EIF2S2: variants seen among roughly 807,000 people sequenced by gnomAD.
EIF2S2 encodes the protein eukaryotic translation initiation factor 2 subunit beta.
Under a neutral mutation model 44.0 loss-of-function variants are expected in EIF2S2, and 4 were observed. The ratio of observed to expected loss-of-function variants is 0.09; its 90% CI spans 0.04 to 0.21. The LOEUF (loss-of-function observed/expected upper bound fraction) is 0.21, where lower values mean the gene tolerates loss of function less well. Ranked by LOEUF, EIF2S2 falls within the 10% of genes least tolerant of loss-of-function variation. The pLI is 1.00. For synonymous variants in EIF2S2, 108 were observed against 128.3 expected (o/e 0.84, Z 1.07); for missense variants, 154 against 392.0 (o/e 0.39, Z 5.13).
rs142763429 is a variant in EIF2S2 at position 34,089,826 on chromosome 20, G to A, written c.906C>T (p.Cys302=). 21 of 1,613,780 alleles carry A rather than the reference G, an allele frequency of 1.3e-5. No homozygotes were observed. The highest frequency in any genetic ancestry group is 6.7e-5 in the African/African-American group (5 of 74,904). The change falls in exon 9 of 9, where the codon TGC becomes TGT. Residue 302 remains cysteine (C), a synonymous_variant. Transcript: ENST00000374980. The part of the protein sequence containing the change: ...QKDTRLYFLQ[C]ETCHSRCSVA... ...CAGAACATCTAGAATGACAAGTTTC[G>A]CACTGTAGGAAATAGAGTCGTGTGT...
chr20:34,098,562 A>G lies in EIF2S2; in HGVS notation c.369T>C (p.Asn123=). 6.2e-7 allele frequency: 1 copy of G among 1,613,876 alleles called. No homozygotes were observed. The highest frequency in any genetic ancestry group is 2.2e-5 in the East Asian group (1 of 44,876). ...TAACATTCTTCTTTTTCTTCTTTTT[A>G]TTGCCAAGCATAATGTCAAGGTCAT... ...PEDDLDIMLG[N]KKKKKKNVKF... Residue 123 remains asparagine, a synonymous_variant, in exon 4 of 9, where the codon AAT becomes AAC. Coordinates refer to ENST00000374980, the MANE Select transcript of EIF2S2 (RefSeq NM_003908.5).
At chr20:34,101,963 G>A (rs568148637) in intron 3 of EIF2S2, among the ~76,000 whole-genome samples, 7 of 152,060 alleles carry the variant, frequency 4.6e-5, no homozygotes, top group Non-Finnish European at 8.8e-5. Flanking sequence ...GCATGAGACA[G>A]CACGTCCAGT....
At chr20:34,103,975 CTGGGA>C (rs1212468220) in intron 2 of EIF2S2, among the ~76,000 whole-genome samples, 1 of 152,146 alleles carries the variant, frequency 6.6e-6, no homozygotes, top group Non-Finnish European at 1.5e-5. Context: ...TCCCAAAGTG[CTGGGA>C]TTACAGGCGT....
chr20:34,096,576 G>A (rs976661505), intron 6 of EIF2S2, 81 bp downstream of exon 6: 10 of 1,386,848 alleles, frequency 7.2e-6, no homozygotes, highest in Admixed American at 4.6e-5. Context: ...TAATAAAGTC[G>A]ACAATAAGGA....
intron 2 of EIF2S2, 57 bp from the exon 3 acceptor site, chr20:34,103,622 G>A: frequency 1.4e-6 from 2 of 1,453,292 alleles, no homozygotes; most frequent in Non-Finnish European, 1.8e-6. Flanking sequence ...CAAATTATGA[G>A]TTACACAAAC....
At chr20:34,103,695 A>C in intron 2 of EIF2S2, 130 bp from the exon 3 acceptor site, 142 of 1,219,690 alleles carry the variant, frequency 1.2e-4, no homozygotes, top group Non-Finnish European at 1.4e-4. Context: ...CTCCACAATC[A>C]CAAAACTTAT....
chr20:34,088,993 G>A lies in EIF2S2; in HGVS notation c.*737C>T, dbSNP rs2034128566. Reference sequence around the variant, plus strand: ...CTCACCAAGAGAGATGCTCAACTAGGATCTTTTTTAGTGTGCCAGTTACAA... The same window carrying A: ...CTCACCAAGAGAGATGCTCAACTAGAATCTTTTTTAGTGTGCCAGTTACAA... On this transcript the variant is annotated 3_prime_UTR_variant, in exon 9 of 9. Transcript: ENST00000374980. 1 of 152,484 alleles carries A rather than the reference G, an allele frequency of 6.6e-6. No homozygotes were observed. The highest frequency in any genetic ancestry group is 1.5e-5 in the Non-Finnish European group (1 of 68,020). The allele number at this position is 152,484 out of a possible 1,614,324, so 9.4% of individuals were successfully genotyped here. A position where few individuals can be genotyped will look rare whatever the true frequency, so the allele number is the denominator to read the frequency against.
At chr20:34,094,051 T>C (rs185628292) in intron 6 of EIF2S2, among the ~76,000 whole-genome samples, 227 of 152,008 alleles carry the variant, frequency 1.5e-3, no homozygotes, top group Non-Finnish European at 2.8e-3. Context: ...CCACCATGCC[T>C]GTCTAATTCT....
chr20:34,104,534 T>C (rs1327284656), intron 2 of EIF2S2, among the ~76,000 whole-genome samples: 1 of 152,212 alleles, frequency 6.6e-6, no homozygotes, highest in African/African-American at 2.4e-5. Context: ...CAACATTTTA[T>C]TGAATCAACT....
chr20:34,108,914 C>A (rs1218484871), intron 1 of EIF2S2, among the ~76,000 whole-genome samples: 2 of 151,664 alleles, frequency 1.3e-5, no homozygotes, highest in Non-Finnish European at 2.9e-5. Flanking sequence ...GTGTTGCCAT[C>A]TCTGTGTGAT....
chr20:34,098,244 C>T (rs1434058010), intron 4 of EIF2S2, among the ~76,000 whole-genome samples: 4 of 146,308 alleles, frequency 2.7e-5, no homozygotes, highest in Non-Finnish European at 6.0e-5. Context: ...GAGACTCCGT[C>T]TCAAAAAAAA....
rs200499150 is a variant in EIF2S2 at position 34,105,453 on chromosome 20, G to A, written c.108C>T (p.Thr36=). The part of the protein sequence containing the change: ...DEEGDTQTEE[T]QPSETKEVEP... ...CCACTTCTTTTGTTTCTGAAGGCTG[G>A]GTTTCCTCTGTTTGGGTATCCCCTT... The change falls in exon 2 of 9, where the codon ACC becomes ACT. Residue 36 remains threonine (T), a synonymous_variant. Coordinates refer to ENST00000374980, the MANE Select transcript of EIF2S2 (RefSeq NM_003908.5). 9 of 1,613,880 alleles carry A rather than the reference G, an allele frequency of 5.6e-6. No homozygotes were observed. In the South Asian group the frequency reaches 8.8e-5, roughly 16 times the overall value.
chr20:34,098,983 C>T (rs2034264911), intron 3 of EIF2S2, among the ~76,000 whole-genome samples: 1 of 152,248 alleles, frequency 6.6e-6, no homozygotes, highest in Non-Finnish European at 1.5e-5. Flanking sequence ...CTTCAAGACA[C>T]TTGTGGGATC....
chr20:34,111,939 C>T (rs1442900986), intron 1 of EIF2S2, among the ~76,000 whole-genome samples, 157 bp downstream of exon 1: 1 of 152,246 alleles, frequency 6.6e-6, no homozygotes. Flanking sequence ...CCTGCGGCTC[C>T]GGAGTCCTCG....
chr20:34,098,434 TCAAGGAGACCAGGGC>T, intron 4 of EIF2S2, 49 bp downstream of exon 4: 1 of 1,586,798 alleles, frequency 6.3e-7, no homozygotes, highest in Non-Finnish European at 8.6e-7. Context: ...TCCACCCCCA[TCAAGGAGACCAGGGC>T]CAAAGGCTTG....
At chr20:34,106,427 CTTTT>C (rs55646105) in intron 1 of EIF2S2, among the ~76,000 whole-genome samples, 119 of 140,908 alleles carry the variant, frequency 8.4e-4, no homozygotes, top group African/African-American at 2.1e-3. Context: ...ATTAAAGGTT[CTTTT>C]TTTTTTTTTT....
At chr20:34,106,747 T>G (rs1006611279) in intron 1 of EIF2S2, among the ~76,000 whole-genome samples, 4 of 152,182 alleles carry the variant, frequency 2.6e-5, no homozygotes, top group African/African-American at 9.6e-5. Context: ...CTCTTATTCT[T>G]ATCTAAATGT....
In EIF2S2 at chr20:34,089,705, C is replaced by T. The variant is rs754347627; in HGVS notation, c.*25G>A. On this transcript the variant is annotated 3_prime_UTR_variant, in exon 9 of 9. Coordinates refer to ENST00000374980, the MANE Select transcript of EIF2S2 (RefSeq NM_003908.5). ...TGTCCAGCCACATCTCCACAACAAG[C>T]TTTGCAAAATCAGTGATTAGCAAAT... is the stretch of plus-strand genomic sequence containing the variant. 2 of 1,600,888 alleles carry T rather than the reference C, an allele frequency of 1.2e-6. No homozygotes were observed. The highest frequency in any genetic ancestry group is 3.4e-5 in the Admixed American group (2 of 58,568).
intron 1 of EIF2S2, 49 bp from the exon 2 acceptor site, chr20:34,105,594 G>A (rs761830001): frequency 3.8e-5 from 56 of 1,459,374 alleles, no homozygotes; most frequent in Non-Finnish European, 5.1e-5. Flanking sequence ...TGTTTTTAAT[G>A]ATGCTCACAT....
Sources: gnomAD v4.1 joint callset for allele counts (sites outside exome capture counted in the v4.1 genomes callset) on GRCh38, gnomAD v4.1.1 for gene constraint, MANE v1.5 for transcripts, NCBI Gene and HGNC (gene_info 2026-07-23, HGNC 2026-07-21) for gene names.